Variants in CCDC3 observed in about 807,000 individuals in gnomAD.
CCDC3 encodes the protein coiled-coil domain containing 3, also known as coiled-coil domain-containing protein 3.
Under a neutral mutation model 21.4 loss-of-function variants are expected in CCDC3, and 24 were observed. The ratio of observed to expected loss-of-function variants is 1.12; its 90% CI spans 0.81 to 1.58. The LOEUF (loss-of-function observed/expected upper bound fraction) is 1.58, where lower values mean the gene tolerates loss of function less well. Ranked by LOEUF, CCDC3 falls within the 40% of genes most tolerant of loss-of-function variation. The pLI is 0.00. For missense variants in CCDC3, 425 were observed against 360.9 expected (o/e 1.18, Z -1.44); for synonymous variants, 186 against 166.0 (o/e 1.12, Z -0.93).
At chr10:13,097,037 G>T (rs1361099232) in intron 3 of CCDC3, among the ~76,000 whole-genome samples, 1 of 152,186 alleles carries the variant, frequency 6.6e-6, no homozygotes, top group African/African-American at 2.4e-5. Flanking sequence ...CTGAAGGTAG[G>T]AAGCCCAAAG....
At chr10:12,902,617 T>C (rs1834112009) in intron 2 of CCDC3, among the ~76,000 whole-genome samples, 1 of 152,152 alleles carries the variant, frequency 6.6e-6, no homozygotes, top group Non-Finnish European at 1.5e-5. Flanking sequence ...GGCTGGAACA[T>C]AACATCAAAG....
At chr10:13,047,237 T>TCCCACCACCCTCCATGCCCCTTCC (rs1321392961) in intron 5 of CCDC3, among the ~76,000 whole-genome samples, 8 of 152,268 alleles carry the variant, frequency 5.3e-5, no homozygotes, top group African/African-American at 1.9e-4. Flanking sequence ...TAGAAAGTCC[T>TCCCACCACCCTCCATGCCCCTTCC]CTTGTGACCC....
chr10:13,018,702 G>A (rs146193929), intron 5 of CCDC3, among the ~76,000 whole-genome samples: 2,850 of 151,864 alleles, frequency 0.019, 69 homozygotes, highest in Non-Finnish European at 0.03. Flanking sequence ...AGGCCAAGAT[G>A]GGAAGACCAC....
chr10:12,986,590 T>C (rs12251556), intron 2 of CCDC3, among the ~76,000 whole-genome samples: 7,029 of 152,122 alleles, frequency 0.046, 289 homozygotes, highest in African/African-American at 0.11. Context: ...CTAGCTAACA[T>C]GGTGAAACCC....
intron 4 of CCDC3, among the ~76,000 whole-genome samples, chr10:13,072,831 T>C (rs1836900183): frequency 6.6e-6 from 1 of 151,686 alleles, no homozygotes; most frequent in Admixed American, 6.6e-5. Flanking sequence ...AAGACATTTC[T>C]GCCTGCACAA....
chr10:13,027,531 G>A lies in CCDC3; in HGVS notation c.-2+22143C>T, dbSNP rs1347887405. 4.6e-5 allele frequency among the ~76,000 whole-genome samples: 7 copies of A among 151,974 alleles called. No individual in the cohort carries two copies. In the East Asian group the frequency reaches 9.7e-4, roughly 21 times the overall value. On this transcript the variant is annotated intron_variant, in intron 5 of 6. Coordinates refer to the CCDC3 transcript ENST00000378839. ...AATAGCTATCATTCACTGAGCAACCGCCATATGTCATATTATGTATCAACC... is the reference window on the plus strand; with the variant it reads ...AATAGCTATCATTCACTGAGCAACCACCATATGTCATATTATGTATCAACC...
At chr10:13,018,551 A>G (rs1836101647) in intron 5 of CCDC3, among the ~76,000 whole-genome samples, 2 of 152,152 alleles carry the variant, frequency 1.3e-5, no homozygotes, top group Non-Finnish European at 2.9e-5. Context: ...ATCCTATTGA[A>G]AAGTTCCTGG....
upstream of CCDC3, among the ~76,000 whole-genome samples, chr10:13,006,098 C>G (rs932667103): frequency 6.6e-6 from 1 of 152,108 alleles, no homozygotes; most frequent in African/African-American, 2.4e-5. Context: ...ATCCATTCAT[C>G]ATACTGTCAT....
intron 3 of CCDC3, among the ~76,000 whole-genome samples, chr10:13,079,837 G>A (rs944563474): frequency 2.6e-5 from 4 of 152,160 alleles, no homozygotes; most frequent in South Asian, 2.1e-4. Flanking sequence ...CAGAGGCAGG[G>A]AAGAGCAGCA....
chr10:13,094,811 C>T (rs1832612220), intron 3 of CCDC3, among the ~76,000 whole-genome samples: 2 of 151,952 alleles, frequency 1.3e-5, no homozygotes, highest in Admixed American at 1.3e-4. Flanking sequence ...CTGCAGTGAG[C>T]CACGACTATG....
At chr10:12,991,331 T>A (rs1835680000) in intron 2 of CCDC3, among the ~76,000 whole-genome samples, 1 of 152,086 alleles carries the variant, frequency 6.6e-6, no homozygotes, top group Non-Finnish European at 1.5e-5. Flanking sequence ...TTTTGTTTTT[T>A]TTTCCTTGAG....
intron 5 of CCDC3, among the ~76,000 whole-genome samples, chr10:13,018,665 T>TC (rs1474630449): frequency 6.6e-6 from 1 of 152,136 alleles, no homozygotes; most frequent in African/African-American, 2.4e-5. Flanking sequence ...GCACAGTGGC[T>TC]CATGCCTGTA....
chr10:13,097,865 G>T (rs563740997), intron 3 of CCDC3, among the ~76,000 whole-genome samples: 1 of 152,134 alleles, frequency 6.6e-6, no homozygotes, highest in Non-Finnish European at 1.5e-5. Context: ...TCAACTATTC[G>T]ATTTTCCTTC....
At chr10:12,908,017 A>T (rs1318996947) in intron 2 of CCDC3, among the ~76,000 whole-genome samples, 2 of 152,218 alleles carry the variant, frequency 1.3e-5, no homozygotes, top group African/African-American at 4.8e-5. Context: ...CCAGGGGTTA[A>T]GTCCTGCTGA....
At chr10:13,018,910 C>G (rs2131403761) in intron 5 of CCDC3, among the ~76,000 whole-genome samples, 1 of 149,528 alleles carries the variant, frequency 6.7e-6, no homozygotes, top group Non-Finnish European at 1.5e-5. Flanking sequence ...GCACTCCAGC[C>G]TAGATGACAA....
At chr10:13,088,973 G>A (rs1837145104) in intron 3 of CCDC3, among the ~76,000 whole-genome samples, 1 of 151,044 alleles carries the variant, frequency 6.6e-6, no homozygotes, top group Non-Finnish European at 1.5e-5. Flanking sequence ...TCGTGCCACT[G>A]CACTCCAGCC....
At chr10:12,958,203 TAAAC>T (rs747850737) in intron 2 of CCDC3, among the ~76,000 whole-genome samples, 22 of 151,788 alleles carry the variant, frequency 1.4e-4, no homozygotes, top group Non-Finnish European at 2.6e-4. Flanking sequence ...AATACAAAAG[TAAAC>T]AAACAAACAA....
intron 2 of CCDC3, among the ~76,000 whole-genome samples, chr10:12,930,101 A>G (rs1834616096): frequency 6.6e-6 from 1 of 152,230 alleles, no homozygotes; most frequent in Admixed American, 6.5e-5. Context: ...CCATAATTGC[A>G]GAGTTGAAGC....
At chr10:12,940,128 A>G (rs1834798072) in intron 2 of CCDC3, among the ~76,000 whole-genome samples, 2 of 152,194 alleles carry the variant, frequency 1.3e-5, no homozygotes, top group African/African-American at 2.4e-5. Flanking sequence ...ATGTTTTTAC[A>G]TAGAAAAGAA....
Sources: gnomAD v4.1 joint callset for allele counts (sites outside exome capture counted in the v4.1 genomes callset) on GRCh38, gnomAD v4.1.1 for gene constraint, MANE v1.5 for transcripts, NCBI Gene and HGNC (gene_info 2026-07-23, HGNC 2026-07-21) for gene names.